The following SH3RF3 variants were observed in gnomAD, a reference collection of about 807,000 sequenced individuals.
The protein encoded by SH3RF3 is SH3 domain containing ring finger 3.
SH3RF3 carries 29 observed loss-of-function variants against 66.3 expected under a neutral mutation model. The observed-to-expected ratio is 0.44, with a 90% confidence interval of 0.33 to 0.60. The LOEUF is 0.60. SH3RF3 is among the 20% of genes least tolerant of loss of function. The pLI is 0.04. For missense variants in SH3RF3, 1,194 were observed against 1,190.9 expected, an observed-to-expected ratio of 1.00 and a Z score of -0.04; for synonymous variants, 583 against 532.0, an observed-to-expected ratio of 1.10 and a Z score of -1.32.
intron 1 of SH3RF3, among the ~76,000 whole-genome samples, chr2:109,195,328 G>A (rs978653345): frequency 6.6e-6 from 1 of 152,144 alleles, no homozygotes; most frequent in Admixed American, 6.5e-5. Flanking sequence ...GAGGAAGGAG[G>A]GGTGACAGCC....
At chr2:109,452,285 C>T (rs1677898085) in intron 8 of SH3RF3, among the ~76,000 whole-genome samples, 1 of 152,170 alleles carries the variant, frequency 6.6e-6, no homozygotes, top group Non-Finnish European at 1.5e-5. Flanking sequence ...TTCCTGAGCC[C>T]CACCCCTCCA....
At chr2:109,190,804 A>G (rs1159060045) in intron 1 of SH3RF3, among the ~76,000 whole-genome samples, 1 of 152,008 alleles carries the variant, frequency 6.6e-6, no homozygotes, top group Non-Finnish European at 1.5e-5. Context: ...ACCCAGGCTC[A>G]AATTAATCAT....
chr2:109,138,289 A>G (rs1420561560), intron 1 of SH3RF3, among the ~76,000 whole-genome samples: 1 of 152,212 alleles, frequency 6.6e-6, no homozygotes, highest in East Asian at 1.9e-4. Flanking sequence ...GGCCTCCCAA[A>G]GTGCTGGGAT....
At chr2:109,322,830 C>G (rs796310982) in intron 1 of SH3RF3, among the ~76,000 whole-genome samples, 1 of 152,346 alleles carries the variant, frequency 6.6e-6, no homozygotes, top group African/African-American at 2.4e-5. Flanking sequence ...CTCCCCACAT[C>G]AGGATATGGG....
chr2:109,179,612 A>G (rs1678027791), intron 1 of SH3RF3, among the ~76,000 whole-genome samples: 1 of 152,154 alleles, frequency 6.6e-6, no homozygotes, highest in African/African-American at 2.4e-5. Flanking sequence ...GTGTTGTAAT[A>G]TGGTGGAGGG....
chr2:109,328,243 A>G (rs919185617), intron 1 of SH3RF3, among the ~76,000 whole-genome samples: 1 of 152,192 alleles, frequency 6.6e-6, no homozygotes, highest in Non-Finnish European at 1.5e-5. Flanking sequence ...TGTTTTGTTC[A>G]AACCTGGATT....
In SH3RF3 at chr2:109,129,232, C is replaced by T. The variant is rs778911676; in HGVS notation, c.-309C>T. ...AGAACCCGTTGAGCTTCGTGCCCGG[C>T]AGCACCCCCGGTCCCCCGCGCGGGG... On this transcript the variant is annotated 5_prime_UTR_variant, in exon 1 of 10. Coordinates refer to ENST00000309415, the MANE Select transcript of SH3RF3 (RefSeq NM_001099289.3). 209 of 557,084 alleles carry T rather than the reference C, an allele frequency of 3.8e-4. 1 individual carries two copies. Among genetic ancestry groups the T allele is most frequent in the African/African-American group, 3.0e-3 (152 of 49,960 alleles). 34.5% of individuals were successfully genotyped at this position (557,084 alleles called of 1,614,324 possible).
chr2:109,418,611 G>A (rs1008292974), intron 4 of SH3RF3, among the ~76,000 whole-genome samples: 4 of 152,044 alleles, frequency 2.6e-5, no homozygotes, highest in African/African-American at 9.7e-5. Flanking sequence ...TGGATTTGGT[G>A]CCCACTCTAA....
intron 8 of SH3RF3, among the ~76,000 whole-genome samples, chr2:109,458,625 G>T (rs949397268): frequency 8.0e-5 from 6 of 74,930 alleles, no homozygotes; most frequent in Admixed American, 7.7e-4. Flanking sequence ...AAGGAATTAT[G>T]TGACTGTGGA....
intron 3 of SH3RF3, among the ~76,000 whole-genome samples, chr2:109,391,309 A>G (rs760472085): frequency 6.6e-6 from 1 of 152,208 alleles, no homozygotes. Context: ...TGCTTCAGCC[A>G]TTACAGGACG....
intron 1 of SH3RF3, among the ~76,000 whole-genome samples, chr2:109,146,336 C>G (rs533966831): frequency 3.9e-5 from 6 of 152,236 alleles, no homozygotes; most frequent in African/African-American, 1.4e-4. Context: ...TCCAGCTTCC[C>G]AAAGGTGGCC....
At chr2:109,130,593 G>C (rs1350877377) in intron 1 of SH3RF3, among the ~76,000 whole-genome samples, 2 of 152,136 alleles carry the variant, frequency 1.3e-5, no homozygotes, top group Non-Finnish European at 2.9e-5. Context: ...AGGGCAGAAG[G>C]CAGAGTGGGA....
chr2:109,488,589 C>G lies in SH3RF3; in HGVS notation c.2149-2016C>G, dbSNP rs1025545274. Among the ~76,000 whole-genome samples the G allele has an allele frequency of 7.2e-5, 11 of 152,338 alleles. No homozygotes were observed. In the East Asian group the frequency reaches 1.7e-3, roughly 24 times the overall value. On this transcript the variant is annotated intron_variant, in intron 8 of 9. Coordinates refer to ENST00000309415, the MANE Select transcript of SH3RF3 (RefSeq NM_001099289.3). ...CCACTCAGATCCCAGGGTTCTGCCC[C>G]CGACCCCTCACGGTTTCTTCTTTTC...
intron 5 of SH3RF3, among the ~76,000 whole-genome samples, chr2:109,430,358 C>G (rs528191012): frequency 1.3e-5 from 2 of 152,342 alleles, no homozygotes; most frequent in South Asian, 4.1e-4. Context: ...TACTGATTCA[C>G]AAGCCTTCCA....
At chr2:109,481,031 C>A (rs988482997) in intron 8 of SH3RF3, among the ~76,000 whole-genome samples, 1 of 152,198 alleles carries the variant, frequency 6.6e-6, no homozygotes, top group Non-Finnish European at 1.5e-5. Flanking sequence ...GGCAAGAGGA[C>A]ACCGATAGGG....
chr2:109,136,303 A>G (rs1676813521), intron 1 of SH3RF3, among the ~76,000 whole-genome samples: 2 of 152,100 alleles, frequency 1.3e-5, no homozygotes, highest in African/African-American at 2.4e-5. Flanking sequence ...GGCCAAGGTC[A>G]ATTTTTATCA....
intron 8 of SH3RF3, among the ~76,000 whole-genome samples, chr2:109,477,332 C>T (rs1379216289): frequency 1.3e-5 from 2 of 152,172 alleles, no homozygotes; most frequent in Non-Finnish European, 1.5e-5. Flanking sequence ...TCCCTGCCCT[C>T]CATGAAAAAA....
intron 1 of SH3RF3, among the ~76,000 whole-genome samples, chr2:109,298,302 C>T (rs539148783): frequency 1.5e-4 from 20 of 133,230 alleles, no homozygotes; most frequent in African/African-American, 1.6e-4. Context: ...GCTAGACAGG[C>T]GGGAAGGGAA....
rs570874505 is a variant in SH3RF3 at position 109,259,815 on chromosome 2, CTGTT to C, written c.574-87855_574-87852del. Among the ~76,000 whole-genome samples, 376 of 152,270 alleles carry C rather than the reference CTGTT, an allele frequency of 2.5e-3. 3 individuals are homozygous for C. Among genetic ancestry groups the C allele is most frequent in the South Asian group, 0.014 (69 of 4,822 alleles). ...TTTCCTTGACATCTCTGGGAGGTCT[CTGTT>C]TGTCTGGCTCTGAGAGCATCTGGTG... On this transcript the variant is annotated intron_variant, in intron 1 of 9. Coordinates refer to ENST00000309415, the MANE Select transcript of SH3RF3 (RefSeq NM_001099289.3).
Sources: gnomAD v4.1 joint callset for allele counts (sites outside exome capture counted in the v4.1 genomes callset) on GRCh38, gnomAD v4.1.1 for gene constraint, MANE v1.5 for transcripts, NCBI Gene and HGNC (gene_info 2026-07-23, HGNC 2026-07-21) for gene names.